XKR9: variants seen among roughly 807,000 people sequenced by gnomAD.
XKR9 encodes XK related 9, also known as XK-related protein 9.
In XKR9, 32 loss-of-function variants were observed where a neutral mutation model predicts 32.0. That is an observed-to-expected ratio of 1.00 (90% CI 0.76 to 1.34). The LOEUF (loss-of-function observed/expected upper bound fraction) is 1.34. Ranked by LOEUF, XKR9 falls within the 40% of genes most tolerant of loss-of-function variation. The pLI, the probability that XKR9 is intolerant of heterozygous loss-of-function variation, is 0.00. For synonymous variants in XKR9, 168 were observed against 143.4 expected, an observed-to-expected ratio of 1.17 and a Z score of -1.22; for missense variants, 546 against 429.7, an observed-to-expected ratio of 1.27 and a Z score of -2.39.
chr8:70,968,050 TCC>T, the XKR9 span, among the ~76,000 whole-genome samples: 41 of 152,352 alleles, frequency 2.7e-4, no homozygotes, highest in Admixed American at 2.5e-3. Flanking sequence ...GGTTCCATTC[TCC>T]CCATCTCTTT....
chr8:70,859,670 A>T, the XKR9 span, among the ~76,000 whole-genome samples: 1 of 152,170 alleles, frequency 6.6e-6, no homozygotes, highest in Non-Finnish European at 1.5e-5. Context: ...CAAAGAGTGG[A>T]ATCCTGTTAT....
intron 3 of XKR9, among the ~76,000 whole-genome samples, chr8:70,694,066 C>G (rs1021202159): frequency 4.0e-5 from 6 of 151,746 alleles, no homozygotes; most frequent in African/African-American, 1.5e-4. Context: ...TTCTGTAGGG[C>G]TGCTGTGGTA....
At chr8:70,996,392 G>A in the XKR9 span, among the ~76,000 whole-genome samples, 62 of 152,264 alleles carry the variant, frequency 4.1e-4, 2 homozygotes, top group South Asian at 0.013. Flanking sequence ...GGTTTCAGGT[G>A]TGAAATGAAA....
At chr8:71,016,222 T>C in the XKR9 span, among the ~76,000 whole-genome samples, 1 of 152,228 alleles carries the variant, frequency 6.6e-6, no homozygotes, top group African/African-American at 2.4e-5. Context: ...GCTTCCATTA[T>C]ATTGGCAATT....
the XKR9 span, among the ~76,000 whole-genome samples, chr8:70,816,703 C>T: frequency 3.3e-5 from 5 of 151,944 alleles, no homozygotes; most frequent in East Asian, 1.9e-4. Flanking sequence ...CTTGCAAGCC[C>T]GAAGAGATTG....
At chr8:70,955,904 TACAA>T in the XKR9 span, among the ~76,000 whole-genome samples, 1 of 152,188 alleles carries the variant, frequency 6.6e-6, no homozygotes, top group Admixed American at 6.5e-5. Context: ...TCAGATGTAC[TACAA>T]GCCACTTCCG....
chr8:70,878,770 C>T, the XKR9 span, among the ~76,000 whole-genome samples: 1 of 151,994 alleles, frequency 6.6e-6, no homozygotes, highest in Non-Finnish European at 1.5e-5. Context: ...AACAAGGGTA[C>T]CCAGGAATTG....
intron 3 of XKR9, among the ~76,000 whole-genome samples, chr8:70,689,154 CA>C (rs1408904437): frequency 9.9e-5 from 15 of 151,866 alleles, no homozygotes; most frequent in African/African-American, 3.4e-4. Flanking sequence ...TTCTGGAAAT[CA>C]AAAAGTAAAA....
chr8:70,739,881 C>G (rs1216339236), downstream of XKR9, among the ~76,000 whole-genome samples: 1 of 152,196 alleles, frequency 6.6e-6, no homozygotes, highest in African/African-American at 2.4e-5. Flanking sequence ...CCCAACCTTT[C>G]TCTCTGGCTG....
At chr8:70,828,251 C>T in the XKR9 span, among the ~76,000 whole-genome samples, 1 of 152,092 alleles carries the variant, frequency 6.6e-6, no homozygotes. Context: ...AGTGCTCTAT[C>T]CTCAAAGAAT....
chr8:71,004,421 G>T, the XKR9 span, among the ~76,000 whole-genome samples: 1 of 152,146 alleles, frequency 6.6e-6, no homozygotes, highest in Non-Finnish European at 1.5e-5. Flanking sequence ...GGGTTGGCTT[G>T]GGGGATATAA....
chr8:70,976,229 C>T, the XKR9 span, among the ~76,000 whole-genome samples: 1 of 141,658 alleles, frequency 7.1e-6, no homozygotes, highest in Admixed American at 7.1e-5. Flanking sequence ...CTTTCTCCTG[C>T]CTGATTGCCC....
the XKR9 span, among the ~76,000 whole-genome samples, chr8:70,836,558 A>G: frequency 6.9e-6 from 1 of 145,648 alleles, no homozygotes; most frequent in Non-Finnish European, 1.6e-5. Flanking sequence ...TAAATACACC[A>G]CAATAGAATG....
chr8:70,696,777 A>G (rs1378502526), intron 3 of XKR9, among the ~76,000 whole-genome samples: 2 of 151,394 alleles, frequency 1.3e-5, no homozygotes, highest in Non-Finnish European at 3.0e-5. Flanking sequence ...CTTGGGCAGT[A>G]TGGCCATTTT....
At chr8:70,892,713 T>A in the XKR9 span, among the ~76,000 whole-genome samples, 2 of 152,212 alleles carry the variant, frequency 1.3e-5, no homozygotes, top group Non-Finnish European at 2.9e-5. Context: ...TGTATGTGAA[T>A]ATGGATTCTC....
downstream of XKR9, among the ~76,000 whole-genome samples, chr8:70,738,737 C>T (rs937125335): frequency 5.3e-5 from 8 of 152,132 alleles, no homozygotes; most frequent in Non-Finnish European, 1.0e-4. Flanking sequence ...ACCCAGTAGT[C>T]ATTCAGGAGC....
the XKR9 span, among the ~76,000 whole-genome samples, chr8:71,056,641 C>A: frequency 2.6e-5 from 4 of 152,112 alleles, no homozygotes; most frequent in Admixed American, 2.6e-4. Context: ...GTACTTAACT[C>A]ATGAAATAGT....
the XKR9 span, among the ~76,000 whole-genome samples, chr8:70,945,191 T>A: frequency 6.6e-6 from 1 of 152,246 alleles, no homozygotes; most frequent in Non-Finnish European, 1.5e-5. Context: ...TCATTACAGA[T>A]CTCAGCAGGT....
chr8:70,672,606 CTG>C (rs533943749), intron 1 of XKR9, among the ~76,000 whole-genome samples: 21 of 150,106 alleles, frequency 1.4e-4, no homozygotes, highest in Middle Eastern at 3.5e-3. Flanking sequence ...TATGGTAGTT[CTG>C]TGTGTGTGTG....
Sources: allele counts gnomAD v4.1 joint callset (sites outside exome capture counted in the v4.1 genomes callset), GRCh38; gene constraint gnomAD v4.1.1; transcripts MANE v1.5; gene names NCBI Gene and HGNC (gene_info 2026-07-23, HGNC 2026-07-21).